ROBO2: variants seen among roughly 807,000 people sequenced by gnomAD.
ROBO2 encodes roundabout guidance receptor 2.
ROBO2 carries 53 observed loss-of-function variants against 160.8 expected under a neutral mutation model. The ratio of observed to expected loss-of-function variants is 0.33; its 90% CI spans 0.26 to 0.41. The LOEUF is 0.41. Among genes scored for constraint, ROBO2 ranks in the 10% least tolerant of loss-of-function variants. The pLI, the probability that ROBO2 is intolerant of heterozygous loss-of-function variation, is 1.00. For synonymous variants in ROBO2, 664 were observed against 611.7 expected (o/e 1.09, Z -1.26); for missense variants, 1,577 against 1,722.4 (o/e 0.92, Z 1.49).
At chr3:75,910,837 C>T (rs191907893) in intron 1 of ROBO2, among the ~76,000 whole-genome samples, 15 of 152,126 alleles carry the variant, frequency 9.9e-5, no homozygotes, top group Admixed American at 3.9e-4. Context: ...ACAGAAGATA[C>T]TGAACAAATA....
intron 2 of ROBO2, among the ~76,000 whole-genome samples, chr3:76,384,545 T>G (rs1200147278): frequency 3.3e-5 from 5 of 152,196 alleles, no homozygotes; most frequent in Non-Finnish European, 5.9e-5. Flanking sequence ...TATTAGTCTG[T>G]TCTCATGCTG....
At chr3:76,228,071 A>G (rs1038955483) in intron 2 of ROBO2, among the ~76,000 whole-genome samples, 44 of 152,328 alleles carry the variant, frequency 2.9e-4, no homozygotes, top group Non-Finnish European at 2.2e-4. Context: ...CTAGAATTTT[A>G]TAGTATACCC....
At chr3:77,334,041 A>G (rs1272445643) in intron 2 of ROBO2, among the ~76,000 whole-genome samples, 1 of 152,124 alleles carries the variant, frequency 6.6e-6, no homozygotes, top group Non-Finnish European at 1.5e-5. Context: ...CCTGCCCACA[A>G]CTATACCTTT....
At position 76,272,830 on chromosome 3, in the gene ROBO2, AAT is replaced by A. The variant is rs377449797; in HGVS notation, c.109+335237_109+335238del. The stretch of plus-strand genomic sequence containing the variant: ...ATATATAATATGTATTTATATATAA[AAT>A]ATATATATTATATATTATATATAAA... On this transcript the variant is annotated intron_variant, in intron 2 of 26. Coordinates refer to the ROBO2 transcript ENST00000487694. Among the ~76,000 whole-genome samples, 19 of 6,460 alleles carry A rather than the reference AAT, an allele frequency of 2.9e-3. 3 individuals carry two copies. Among genetic ancestry groups the A allele is most frequent in the East Asian group, 0.012 (1 of 82 alleles). The allele number at this position is 6,460 out of a possible 152,430, so 4.2% of individuals were successfully genotyped here. A position where few individuals can be genotyped will look rare whatever the true frequency, so the allele number is the denominator to read the frequency against.
At chr3:77,317,153 C>T (rs1560517887) in intron 2 of ROBO2, 2 of 1,025,876 alleles carry the variant, frequency 1.9e-6, no homozygotes, top group South Asian at 2.6e-5. Context: ...CATCTGGTAC[C>T]CAGCCAGCCA....
At chr3:77,436,735 G>T (rs192801955) in intron 2 of ROBO2, among the ~76,000 whole-genome samples, 9 of 151,882 alleles carry the variant, frequency 5.9e-5, no homozygotes, top group African/African-American at 2.2e-4. Context: ...GTCAGAACTA[G>T]TTCCAAAAAT....
chr3:76,209,295 G>T (rs1702998044), intron 2 of ROBO2, among the ~76,000 whole-genome samples: 1 of 152,122 alleles, frequency 6.6e-6, no homozygotes, highest in South Asian at 2.1e-4. Flanking sequence ...CTTTGAATCA[G>T]TTGTAATATC....
chr3:77,309,096 T>G (rs2153420706), intron 2 of ROBO2, among the ~76,000 whole-genome samples: 1 of 152,076 alleles, frequency 6.6e-6, no homozygotes, highest in South Asian at 2.1e-4. Context: ...TTTTGTTTTG[T>G]TTTAATCCCA....
chr3:76,141,159 CTATATATATATATA>C (rs55778369), intron 2 of ROBO2, among the ~76,000 whole-genome samples: 2 of 9,174 alleles, frequency 2.2e-4, no homozygotes, highest in East Asian at 7.6e-3. Flanking sequence ...CTCTCTCTCT[CTATATATATATATA>C]TATATATATA....
chr3:76,546,727 A>G lies in ROBO2; in HGVS notation c.110-551287A>G, dbSNP rs76336299. Among the ~76,000 whole-genome samples, 739 of 151,998 alleles carry G rather than the reference A, an allele frequency of 4.9e-3. 8 individuals carry two copies. Among genetic ancestry groups the G allele is most frequent in the African/African-American group, 0.017 (718 of 41,526 alleles). ...ATATGTTACCCACCTCTACATGACC[A>G]CTATCTTCAGTGTTTGACAGTAAAT... On this transcript the variant is annotated intron_variant, in intron 2 of 26. Coordinates refer to the ROBO2 transcript ENST00000487694.
intron 2 of ROBO2, among the ~76,000 whole-genome samples, chr3:76,861,328 C>T (rs1294142195): frequency 6.6e-6 from 1 of 152,168 alleles, no homozygotes; most frequent in African/African-American, 2.4e-5. Flanking sequence ...AAGGTATTAT[C>T]TTACTGGGTT....
At chr3:76,648,924 A>T (rs71315353) in intron 2 of ROBO2, among the ~76,000 whole-genome samples, 8,147 of 152,156 alleles carry the variant, frequency 0.054, 312 homozygotes, top group Non-Finnish European at 0.085. Flanking sequence ...CACTAATCTC[A>T]TCTTAGTCAC....
At chr3:77,022,455 G>T (rs2062697839) in intron 2 of ROBO2, among the ~76,000 whole-genome samples, 1 of 152,178 alleles carries the variant, frequency 6.6e-6, no homozygotes, top group African/African-American at 2.4e-5. Context: ...TATAGCAACA[G>T]AAAATATATT....
chr3:76,644,384 G>T (rs1054556677), intron 2 of ROBO2, among the ~76,000 whole-genome samples: 1 of 152,106 alleles, frequency 6.6e-6, no homozygotes, highest in Non-Finnish European at 1.5e-5. Flanking sequence ...ATTTGCATTT[G>T]ACCAGTCTCA....
At chr3:77,240,565 C>A (rs62249667) in intron 2 of ROBO2, among the ~76,000 whole-genome samples, 4,139 of 152,274 alleles carry the variant, frequency 0.027, 61 homozygotes, top group Middle Eastern at 0.054. Flanking sequence ...GCTCCTCAAG[C>A]GTGGCCAGAG....
intron 14 of ROBO2, among the ~76,000 whole-genome samples, chr3:77,575,898 C>A (rs1484138775): frequency 6.6e-6 from 1 of 152,002 alleles, no homozygotes; most frequent in Non-Finnish European, 1.5e-5. Flanking sequence ...ACATTTGTCC[C>A]TGTTGGGTAT....
chr3:76,556,331 GC>G (rs2083789456), intron 2 of ROBO2, among the ~76,000 whole-genome samples: 1 of 152,088 alleles, frequency 6.6e-6, no homozygotes, highest in Non-Finnish European at 1.5e-5. Flanking sequence ...TAGCTCTGAA[GC>G]CTCAGAAGGG....
intron 24 of ROBO2, among the ~76,000 whole-genome samples, chr3:77,638,009 G>A (rs1169458390): frequency 6.6e-6 from 1 of 152,176 alleles, no homozygotes; most frequent in Admixed American, 6.5e-5. Flanking sequence ...TAGAAGTAGT[G>A]ATATAGCAAA....
chr3:76,177,969 G>T (rs916897642), intron 2 of ROBO2, among the ~76,000 whole-genome samples: 3 of 152,082 alleles, frequency 2.0e-5, no homozygotes, highest in Admixed American at 2.0e-4. Context: ...ACGTCTAAAG[G>T]TATGACTTTG....
Sources: gnomAD v4.1 joint callset for allele counts (sites outside exome capture counted in the v4.1 genomes callset) on GRCh38, gnomAD v4.1.1 for gene constraint, MANE v1.5 for transcripts, NCBI Gene and HGNC (gene_info 2026-07-23, HGNC 2026-07-21) for gene names.